The following ATP11B variants were observed in gnomAD, a reference collection of about 807,000 sequenced individuals.
ATP11B encodes ATPase phospholipid transporting 11B (putative).
In ATP11B, 81 loss-of-function variants were observed where a neutral mutation model predicts 157.8. That is an observed-to-expected ratio of 0.51 (90% CI 0.43 to 0.62). The LOEUF is 0.62. ATP11B is among the 20% of genes least tolerant of loss of function. ATP11B has a pLI of 0.00. For missense variants in ATP11B, 1,165 were observed against 1,402.2 expected, an observed-to-expected ratio of 0.83 and a Z score of 2.70; for synonymous variants, 451 against 469.4, an observed-to-expected ratio of 0.96 and a Z score of 0.51.
chr3:182,829,297 G>C (rs1037085645), intron 3 of ATP11B, among the ~76,000 whole-genome samples: 2 of 152,150 alleles, frequency 1.3e-5, no homozygotes, highest in Admixed American at 6.6e-5. Flanking sequence ...TCTTTCCATA[G>C]TCCCATTCCT....
At chr3:182,811,994 T>C (rs1056044455) in intron 1 of ATP11B, among the ~76,000 whole-genome samples, 2 of 152,198 alleles carry the variant, frequency 1.3e-5, no homozygotes, top group African/African-American at 2.4e-5. Flanking sequence ...GTAAAATTAA[T>C]AGCACAATTG....
Position 182,845,507 on chromosome 3 carries a change from A to T in ATP11B, c.754A>T (p.Thr252Ser). The T allele has an allele frequency of 6.3e-7, 1 of 1,595,022 alleles. No individual in the cohort carries two copies. The highest frequency in any genetic ancestry group is 8.5e-7 in the Non-Finnish European group (1 of 1,175,332). The change falls in exon 9 of 30, where the codon ACA becomes TCA. Residue 252 changes from threonine to serine, a missense_variant. Around this residue, in one of 4 missense-constraint regions of ATP11B, gnomAD observed 737 missense variants for 930.5 expected, o/e 0.79. Coordinates refer to ENST00000323116, the MANE Select transcript of ATP11B (RefSeq NM_014616.3). ...LLLRGARLKN[T>S]KEIFGVAVYT... Reference sequence around the variant, plus strand: ...GCTTCGTGGAGCCAGATTAAAAAACACAAAAGAAATTTTTGGTTTGTACAT... The same window carrying T: ...GCTTCGTGGAGCCAGATTAAAAAACTCAAAAGAAATTTTTGGTTTGTACAT...
intron 9 of ATP11B, 103 bp from the exon 10 acceptor site, chr3:182,848,373 T>C: frequency 1.6e-6 from 1 of 621,614 alleles, no homozygotes; most frequent in Non-Finnish European, 2.4e-6. Flanking sequence ...TTATAACAAC[T>C]GTCAGACAGT....
chr3:182,799,130 A>C (rs1242847429), intron 1 of ATP11B, among the ~76,000 whole-genome samples: 1 of 152,202 alleles, frequency 6.6e-6, no homozygotes, highest in Admixed American at 6.5e-5. Flanking sequence ...TATCTAAGAG[A>C]CTAGAAGCTG....
At chr3:182,917,489 G>A (rs1725215500) in intron 29 of ATP11B, 1 of 985,178 alleles carries the variant, frequency 1.0e-6, no homozygotes, top group African/African-American at 1.7e-5. Flanking sequence ...AAGTGAAAAC[G>A]CTAGTGACCT....
intron 1 of ATP11B, among the ~76,000 whole-genome samples, chr3:182,813,862 G>A (rs1280406981): frequency 6.6e-6 from 1 of 151,820 alleles, no homozygotes; most frequent in Non-Finnish European, 1.5e-5. Context: ...CGAGTAGCTG[G>A]AACTATAGAC....
At chr3:182,899,219 G>A (rs1191927604) in intron 28 of ATP11B, among the ~76,000 whole-genome samples, 3 of 145,384 alleles carry the variant, frequency 2.1e-5, no homozygotes, top group Non-Finnish European at 4.5e-5. Flanking sequence ...GTAGTGGCAC[G>A]ATCTTGGATC....
chr3:182,894,519 C>T (rs1455489387), intron 25 of ATP11B, among the ~76,000 whole-genome samples: 1 of 152,154 alleles, frequency 6.6e-6, no homozygotes, highest in African/African-American at 2.4e-5. Context: ...CTCCAAAATG[C>T]CTTTGCCACT....
intron 1 of ATP11B, among the ~76,000 whole-genome samples, chr3:182,808,052 A>G (rs571847717): frequency 1.3e-5 from 2 of 152,332 alleles, no homozygotes; most frequent in South Asian, 2.1e-4. Context: ...AGTCTTTTGC[A>G]ATGAGTGTAA....
intron 13 of ATP11B, 137 bp downstream of exon 13, chr3:182,865,835 A>G (rs1721189951): frequency 2.9e-6 from 2 of 691,298 alleles, no homozygotes; most frequent in South Asian, 2.2e-5. Context: ...TGATTCAACA[A>G]TATAAAATAT....
At chr3:182,889,044 G>T (rs112881133) in intron 24 of ATP11B, among the ~76,000 whole-genome samples, 18,152 of 151,708 alleles carry the variant, frequency 0.12, 1,210 homozygotes, top group African/African-American at 0.18. Context: ...TATATTTTTA[G>T]TAGAGACAGG....
chr3:182,836,334 C>A lies in ATP11B; in HGVS notation c.424-8C>A, dbSNP rs1451986146. On this transcript the variant is annotated splice_polypyrimidine_tract_variant and splice_region_variant and intron_variant, in intron 5 of 29. Coordinates refer to ENST00000323116, the MANE Select transcript of ATP11B (RefSeq NM_014616.3). ...TATAAATTCACTCTTCCCCAAAATT[C>A]TTTATAGGTGGGTGATATTGTTCGA... 6 of 1,612,860 alleles carry A rather than the reference C, an allele frequency of 3.7e-6. No homozygotes were observed. The highest frequency in any genetic ancestry group is 1.7e-5 in the Admixed American group (1 of 59,754).
chr3:182,853,999 G>C (rs1720180948), intron 10 of ATP11B, among the ~76,000 whole-genome samples: 2 of 152,174 alleles, frequency 1.3e-5, no homozygotes, highest in Admixed American at 1.3e-4. Flanking sequence ...GTGTGGGTTT[G>C]TTGATTTTCA....
chr3:182,916,495 A>G (rs1725150415), intron 29 of ATP11B: 1 of 985,284 alleles, frequency 1.0e-6, no homozygotes, highest in African/African-American at 1.7e-5. Flanking sequence ...TTGCAAGCTC[A>G]GTTTCAAAGA....
intron 25 of ATP11B, among the ~76,000 whole-genome samples, chr3:182,891,642 T>C (rs543768162): frequency 6.6e-6 from 1 of 152,336 alleles, no homozygotes; most frequent in South Asian, 2.1e-4. Context: ...AAATAAAATC[T>C]TGAACATTCT....
At chr3:182,913,423 C>T (rs1724931953) in intron 28 of ATP11B, among the ~76,000 whole-genome samples, 2 of 152,142 alleles carry the variant, frequency 1.3e-5, no homozygotes, top group Non-Finnish European at 2.9e-5. Context: ...ATTCATACTC[C>T]ACTTATCTCA....
intron 21 of ATP11B, among the ~76,000 whole-genome samples, chr3:182,882,048 A>T (rs1388459138): frequency 1.3e-5 from 2 of 152,214 alleles, no homozygotes; most frequent in African/African-American, 2.4e-5. Context: ...CTTATTGTAT[A>T]AATACAGAGC....
At position 182,865,518 on chromosome 3, in the gene ATP11B, A is replaced by G. The variant is rs1721163024; in HGVS notation, c.1263A>G (p.Glu421=). ...CAGAAAATGAGATGCAGTTTCGGGA[A>G]TGTTCAATTAATGGCATGAAATACC... ...TLTENEMQFR[E]CSINGMKYQE... is the part of the protein sequence containing the mutation. The change falls in exon 13 of 30, where the codon GAA becomes GAG. Residue 421 remains glutamate (E), a synonymous_variant. Transcript: ENST00000323116. The G allele has an allele frequency of 2.5e-6, 4 of 1,613,748 alleles. No individual in the cohort carries two copies. The highest frequency in any genetic ancestry group is 1.7e-5 in the Admixed American group (1 of 60,008).
intron 24 of ATP11B, among the ~76,000 whole-genome samples, chr3:182,888,955 T>G (rs1236754602): frequency 6.6e-6 from 1 of 151,630 alleles, no homozygotes; most frequent in East Asian, 1.9e-4. Context: ...CTCTGCCTCC[T>G]GGGTTAAAGT....
Sources: gnomAD v4.1 joint callset for allele counts (sites outside exome capture counted in the v4.1 genomes callset) on GRCh38, gnomAD v4.1.1 for gene constraint, gnomAD v4.1.1 regional missense constraint, MANE v1.5 for transcripts, NCBI Gene and HGNC (gene_info 2026-07-23, HGNC 2026-07-21) for gene names.